C14orf39: variants seen among roughly 807,000 people sequenced by gnomAD.
C14orf39 encodes the protein chromosome 14 open reading frame 39.
In C14orf39, 66 loss-of-function variants were observed where a neutral mutation model predicts 85.6. The observed-to-expected ratio is 0.77, with a 90% CI of 0.63 to 0.95. The LOEUF is 0.95. C14orf39 is among the 40% of genes least tolerant of loss of function. The probability of loss-of-function intolerance (pLI) is 0.00; values close to 1 mark genes in which losing one functional copy is unlikely to be tolerated. For synonymous variants in C14orf39, 242 were observed against 214.0 expected (o/e 1.13, Z -1.14); for missense variants, 735 against 663.9 (o/e 1.11, Z -1.18).
At chr14:60,437,904 T>C (rs982884543) in intron 17 of C14orf39, among the ~76,000 whole-genome samples, 2 of 151,718 alleles carry the variant, frequency 1.3e-5, no homozygotes, top group Non-Finnish European at 2.9e-5. Flanking sequence ...AGAATTGCCA[T>C]TAAGGAAAAA....
chr14:60,448,011 T>A (rs1890856081), intron 16 of C14orf39, among the ~76,000 whole-genome samples: 1 of 152,120 alleles, frequency 6.6e-6, no homozygotes, highest in Non-Finnish European at 1.5e-5. Flanking sequence ...TGAAACTGGA[T>A]CCCTTCCTTA....
intron 1 of C14orf39, among the ~76,000 whole-genome samples, chr14:60,500,779 G>T (rs988966825): frequency 2.0e-5 from 3 of 152,010 alleles, no homozygotes; most frequent in African/African-American, 7.3e-5. Flanking sequence ...TCTAATAATA[G>T]TACTACGAGA....
chr14:60,486,537 G>A (rs1359308476), upstream of C14orf39, among the ~76,000 whole-genome samples: 1 of 152,122 alleles, frequency 6.6e-6, no homozygotes, highest in Non-Finnish European at 1.5e-5. Context: ...CATTTGCTCA[G>A]TTTCAAATAA....
At chr14:60,511,989 G>A (rs1006105217) in intron 1 of C14orf39, 3 of 152,744 alleles carry the variant, frequency 2.0e-5, no homozygotes, top group African/African-American at 4.8e-5. Flanking sequence ...CACCTCCCAC[G>A]TCAAATTACA....
intron 1 of C14orf39, among the ~76,000 whole-genome samples, chr14:60,514,928 C>A (rs892549863): frequency 6.6e-6 from 1 of 152,056 alleles, no homozygotes; most frequent in African/African-American, 2.4e-5. Context: ...GGCGGCTCTG[C>A]GTAATCAGGG....
At chr14:60,492,020 G>A (rs1024874434) in intron 2 of C14orf39, among the ~76,000 whole-genome samples, 3 of 152,196 alleles carry the variant, frequency 2.0e-5, no homozygotes. Flanking sequence ...GCTCAACAGT[G>A]AGAAAGCCAC....
chr14:60,495,991 G>T (rs776766988), intron 2 of C14orf39: 33 of 493,500 alleles, frequency 6.7e-5, no homozygotes, highest in Non-Finnish European at 1.2e-4. Flanking sequence ...AGGACGAAGG[G>T]TATCAGTCCC....
chr14:60,485,662 C>G (rs1892851406), intron 1 of C14orf39, among the ~76,000 whole-genome samples: 1 of 152,168 alleles, frequency 6.6e-6, no homozygotes. Context: ...CCTCAGAGCC[C>G]AGGAACCACA....
At position 60,436,370 on chromosome 14, in the gene C14orf39, C is replaced by G. The variant is rs1005870284; in HGVS notation, c.*475G>C. ...CATAAATTATTTGAAATTATTATTA[C>G]AGTACCACTCTGTATACTACATAGT... On this transcript the variant is annotated 3_prime_UTR_variant, in exon 18 of 18. Coordinates refer to ENST00000321731, the MANE Select transcript of C14orf39 (RefSeq NM_174978.3). 2.6e-5 allele frequency: 4 copies of G among 152,062 alleles called. No individual in the cohort carries two copies. Among genetic ancestry groups the G allele is most frequent in the Non-Finnish European group, 4.4e-5 (3 of 68,066 alleles). 9.4% of individuals were successfully genotyped at this position (152,062 alleles called of 1,614,324 possible). A position where few individuals can be genotyped will look rare whatever the true frequency, so the allele number is the denominator to read the frequency against.
chr14:60,514,901 G>A (rs1482472093), intron 1 of C14orf39, among the ~76,000 whole-genome samples: 3 of 152,194 alleles, frequency 2.0e-5, no homozygotes, highest in African/African-American at 7.2e-5. Context: ...TCTGTGGAGC[G>A]GCCGGCGGGG....
At position 60,483,833 on chromosome 14, in the gene C14orf39, G is replaced by C. The variant is rs1470124942; in HGVS notation, c.107-16C>G. ...TCACAGCATTCTACAAAGAGAAAAT[G>C]TTTATTTTCTTAATGTAGAAATAAT... is the stretch of plus-strand genomic sequence containing the variant. On this transcript the variant is annotated splice_polypyrimidine_tract_variant and intron_variant, in intron 3 of 17. Transcript: ENST00000321731. 6.9e-7 allele frequency: 1 copy of C among 1,451,728 alleles called. No individual in the cohort carries two copies. Among genetic ancestry groups the C allele is most frequent in the Non-Finnish European group, 9.5e-7 (1 of 1,056,520 alleles). 89.9% of individuals were successfully genotyped at this position (1,451,728 alleles called of 1,614,324 possible).
intron 1 of C14orf39, chr14:60,508,886 G>C: frequency 5.8e-6 from 1 of 170,992 alleles, no homozygotes; most frequent in Non-Finnish European, 1.2e-5. Flanking sequence ...GGGAGGGAGG[G>C]GTAGAGCGGG....
chr14:60,441,644 A>G (rs922422545), intron 17 of C14orf39, among the ~76,000 whole-genome samples: 2 of 152,208 alleles, frequency 1.3e-5, no homozygotes, highest in African/African-American at 2.4e-5. Flanking sequence ...CATACCTGAT[A>G]TAAAATATAA....
At chr14:60,488,765 T>C (rs1278010725), upstream of C14orf39, among the ~76,000 whole-genome samples, 1 of 152,152 alleles carries the variant, frequency 6.6e-6, no homozygotes, top group Admixed American at 6.5e-5. Flanking sequence ...TTAACTACTT[T>C]CTCAGGTAAT....
chr14:60,472,669 G>A (rs1286191307), intron 5 of C14orf39, among the ~76,000 whole-genome samples: 3 of 151,946 alleles, frequency 2.0e-5, no homozygotes, highest in African/African-American at 7.2e-5. Flanking sequence ...TTTTGTCCTT[G>A]CAATAATAGT....
rs146419814 is a variant in C14orf39, at chr14:60,498,491, T to C, written c.-9+805A>G. On this transcript the variant is annotated intron_variant, in intron 2 of 5. Coordinates refer to the C14orf39 transcript ENST00000556799. ...GACAATTTTCCAAACTCTAACCTCATTTTCTGCTCCTCTTCCCCTCCAATT... is the reference window on the plus strand; with the variant it reads ...GACAATTTTCCAAACTCTAACCTCACTTTCTGCTCCTCTTCCCCTCCAATT... Among the ~76,000 whole-genome samples, 325 of 152,364 alleles carry C rather than the reference T, an allele frequency of 2.1e-3. 1 individual carries two copies. Among genetic ancestry groups the C allele is most frequent in the African/African-American group, 7.3e-3 (305 of 41,584 alleles).
At chr14:60,447,952 C>T (rs555323093) in intron 16 of C14orf39, among the ~76,000 whole-genome samples, 1 of 152,178 alleles carries the variant, frequency 6.6e-6, no homozygotes, top group Non-Finnish European at 1.5e-5. Context: ...AAAGGATTCC[C>T]TATTTAATAA....
At chr14:60,490,170 T>A (rs192226670), upstream of C14orf39, among the ~76,000 whole-genome samples, 78 of 152,336 alleles carry the variant, frequency 5.1e-4, no homozygotes, top group Non-Finnish European at 8.8e-4. Context: ...GTACTCCATG[T>A]GCATGGTTTC....
chr14:60,478,285 A>G lies in C14orf39; in HGVS notation c.323+15T>C. On this transcript the variant is annotated intron_variant, in intron 5 of 17. Coordinates refer to ENST00000321731, the MANE Select transcript of C14orf39 (RefSeq NM_174978.3). ...CAAACTTATAGAATTGATAAACTTC[A>G]TATAAGTACTATACTTGTCTTTTTC... 3 of 1,296,104 alleles carry G rather than the reference A, an allele frequency of 2.3e-6. No homozygotes were observed. Among genetic ancestry groups the G allele is most frequent in the Non-Finnish European group, 3.2e-6 (3 of 951,404 alleles). The allele number at this position is 1,296,104 out of a possible 1,614,324, so 80.3% of individuals were successfully genotyped here. A position where few individuals can be genotyped will look rare whatever the true frequency, so the allele number is the denominator to read the frequency against.
Sources: gnomAD v4.1 joint callset for allele counts (sites outside exome capture counted in the v4.1 genomes callset) on GRCh38, gnomAD v4.1.1 for gene constraint, MANE v1.5 for transcripts, NCBI Gene and HGNC (gene_info 2026-07-23, HGNC 2026-07-21) for gene names.